Variants in TRIM36 observed in about 807,000 individuals in gnomAD.
TRIM36 encodes E3 ubiquitin-protein ligase TRIM36.
Under a neutral mutation model 72.4 loss-of-function variants are expected in TRIM36, and 42 were observed. The ratio of observed to expected loss-of-function variants is 0.58; its 90% CI spans 0.45 to 0.75. TRIM36 has a LOEUF of 0.75. Ranked by LOEUF, TRIM36 falls within the 30% of genes least tolerant of loss-of-function variation. The pLI is 0.00. For synonymous variants in TRIM36, 315 were observed against 282.8 expected, an observed-to-expected ratio of 1.11 and a Z score of -1.14; for missense variants, 913 against 857.1, an observed-to-expected ratio of 1.07 and a Z score of -0.81.
At chr5:115,129,988 ATTT>A (rs1752587718) in intron 9 of TRIM36, among the ~76,000 whole-genome samples, 2 of 152,266 alleles carry the variant, frequency 1.3e-5, no homozygotes, top group Non-Finnish European at 2.9e-5. Flanking sequence ...CATTATATAA[ATTT>A]TTTATCTTTC....
At chr5:115,165,997 G>A (rs534648248) in intron 1 of TRIM36, among the ~76,000 whole-genome samples, 24 of 152,286 alleles carry the variant, frequency 1.6e-4, no homozygotes, top group African/African-American at 3.8e-4. Context: ...GACTTTGGGC[G>A]CTGATGAACG....
chr5:115,158,275 T>C (rs908646880), intron 2 of TRIM36, among the ~76,000 whole-genome samples: 1 of 152,214 alleles, frequency 6.6e-6, no homozygotes, highest in Non-Finnish European at 1.5e-5. Flanking sequence ...ATCTCTTCTT[T>C]TTCCCACAAA....
intron 1 of TRIM36, among the ~76,000 whole-genome samples, chr5:115,164,088 T>C (rs1419244284): frequency 1.3e-5 from 2 of 152,216 alleles, no homozygotes; most frequent in African/African-American, 2.4e-5. Context: ...GGTGAAATCC[T>C]AAAAGTAGAT....
chr5:115,147,249 T>G lies in TRIM36; in HGVS notation c.408A>C (p.Ala136=), dbSNP rs1753641109. ...LETIVERYRQ[A]ARAATAIMCD... ...ACATAATGGCTGTGGCTGCCCTAGC[T>G]GCTTGACGATATCTTTCCACAATAG... Residue 136 remains alanine, a synonymous_variant, in exon 3 of 10, where the codon GCA becomes GCC. Transcript: ENST00000513154. The G allele has an allele frequency of 6.2e-7, 1 of 1,614,128 alleles. No individual in the cohort carries two copies. The highest frequency in any genetic ancestry group is 8.5e-7 in the Non-Finnish European group (1 of 1,180,060).
chr5:115,178,958 T>A (rs899224745), intron 1 of TRIM36, among the ~76,000 whole-genome samples: 9 of 152,248 alleles, frequency 5.9e-5, no homozygotes, highest in African/African-American at 1.9e-4. Flanking sequence ...TAGTGGGGTG[T>A]GGGACTGCAG....
At chr5:115,170,571 C>T (rs3805592), upstream of TRIM36, among the ~76,000 whole-genome samples, 372 of 152,330 alleles carry the variant, frequency 2.4e-3, 6 homozygotes, top group East Asian at 0.057. Context: ...TCTCTTCTGG[C>T]TTCACTTGCT....
At chr5:115,128,369 CAAA>C (rs61003916) in intron 9 of TRIM36, among the ~76,000 whole-genome samples, 11 of 139,476 alleles carry the variant, frequency 7.9e-5, no homozygotes, top group African/African-American at 7.9e-5. Flanking sequence ...AACTCCATCT[CAAA>C]AAAAAAAAAA....
intron 2 of TRIM36, chr5:115,148,860 A>G (rs1753734634): frequency 6.6e-6 from 1 of 152,198 alleles, no homozygotes; most frequent in Non-Finnish European, 1.5e-5. Flanking sequence ...ACATTACAAA[A>G]GGTCTTTAAA....
In TRIM36 at chr5:115,127,430, G is replaced by A. The variant is rs181479608; in HGVS notation, c.1797-573C>T. Reference sequence around the variant, plus strand: ...CCAAAAATTAGCCAGGCATGGTGGTGTACGCTTGTAGTCTCAGCTACTTGG... The same window carrying A: ...CCAAAAATTAGCCAGGCATGGTGGTATACGCTTGTAGTCTCAGCTACTTGG... On this transcript the variant is annotated intron_variant, in intron 9 of 9. Coordinates refer to ENST00000513154, the MANE Select transcript of TRIM36 (RefSeq NM_001300759.2). Among the ~76,000 whole-genome samples the A allele has an allele frequency of 2.2e-3, 342 of 152,294 alleles. 1 individual carries two copies. Among genetic ancestry groups the A allele is most frequent in the African/African-American group, 7.8e-3 (325 of 41,554 alleles).
upstream of TRIM36, among the ~76,000 whole-genome samples, chr5:115,171,605 CTT>C (rs1755120345): frequency 6.6e-6 from 1 of 152,184 alleles, no homozygotes; most frequent in African/African-American, 2.4e-5. Flanking sequence ...TGATCCAAAA[CTT>C]ATTAGTTGAC....
chr5:115,141,405 C>T (rs536583619), intron 4 of TRIM36, 31 bp from the exon 5 acceptor site: 2 of 1,498,868 alleles, frequency 1.3e-6, no homozygotes, highest in Non-Finnish European at 1.8e-6. Flanking sequence ...CACAAATAGA[C>T]AAAACGGGAG....
At chr5:115,139,266 G>T (rs1461594852) in intron 5 of TRIM36, among the ~76,000 whole-genome samples, 1 of 151,938 alleles carries the variant, frequency 6.6e-6, no homozygotes, top group African/African-American at 2.4e-5. Context: ...GATTACAGGT[G>T]TGCACCACCA....
chr5:115,167,695 C>T (rs1754863728), intron 1 of TRIM36, among the ~76,000 whole-genome samples: 1 of 152,228 alleles, frequency 6.6e-6, no homozygotes, highest in East Asian at 1.9e-4. Flanking sequence ...CCAAACTTTC[C>T]CACATCTTCC....
At chr5:115,167,618 T>C (rs182932175) in intron 1 of TRIM36, among the ~76,000 whole-genome samples, 46 of 152,360 alleles carry the variant, frequency 3.0e-4, no homozygotes, top group African/African-American at 9.6e-4. Context: ...CACCTTGGCC[T>C]GCACTTCTTT....
chr5:115,138,388 C>A (rs1353649218), intron 5 of TRIM36, among the ~76,000 whole-genome samples: 1 of 152,026 alleles, frequency 6.6e-6, no homozygotes, highest in East Asian at 1.9e-4. Flanking sequence ...CATGAGCCAC[C>A]GCGCCTGGCC....
upstream of TRIM36, chr5:115,169,947 C>T (rs1018745161): frequency 7.5e-5 from 92 of 1,228,088 alleles, no homozygotes; most frequent in African/African-American, 1.3e-3. Flanking sequence ...GGGCGGGGCA[C>T]CGCGGGGCGT....
rs76977331 is a variant in TRIM36 at position 115,137,296 on chromosome 5, G to C, written c.1085+67C>G. On this transcript the variant is annotated intron_variant, in intron 6 of 9. Coordinates refer to ENST00000513154, the MANE Select transcript of TRIM36 (RefSeq NM_001300759.2). ...ATTATGGACCAATCAGAGCTAAAGT[G>C]AGAATACACAGCAGCATTTAATAAC... The C allele has an allele frequency of 2.1e-4, 328 of 1,538,150 alleles. 2 individuals carry two copies. The African/African-American group carries it at 3.6e-3, about 17-fold the overall frequency.
At chr5:115,159,770 TAA>T in intron 2 of TRIM36, 3 of 412,970 alleles carry the variant, frequency 7.3e-6, no homozygotes, top group South Asian at 5.3e-5. Flanking sequence ...GTCCTGAAAA[TAA>T]TACAATTATT....
At chr5:115,173,543 T>TGTGTGTGC (rs367927273), upstream of TRIM36, among the ~76,000 whole-genome samples, 18 of 151,950 alleles carry the variant, frequency 1.2e-4, no homozygotes, top group South Asian at 6.2e-4. Context: ...TGTGTGTGTG[T>TGTGTGTGC]GCGCGCACGC....
Sources: allele counts gnomAD v4.1 joint callset (sites outside exome capture counted in the v4.1 genomes callset), GRCh38; gene constraint gnomAD v4.1.1; transcripts MANE v1.5; gene names NCBI Gene and HGNC (gene_info 2026-07-23, HGNC 2026-07-21).